Variants in TPO observed in about 807,000 individuals in gnomAD.
TPO encodes the protein thyroid microsomal antigen.
TPO carries 78 observed loss-of-function variants against 96.9 expected under a neutral mutation model. That is an observed-to-expected ratio of 0.81 (90% CI 0.67 to 0.97). TPO has a LOEUF of 0.97. TPO is among the 50% of genes least tolerant of loss of function. The probability of loss-of-function intolerance (pLI) is 0.00; values close to 1 mark genes in which losing one functional copy is unlikely to be tolerated. For missense variants in TPO, 1,252 were observed against 1,274.8 expected (o/e 0.98, Z 0.27); for synonymous variants, 547 against 538.0 (o/e 1.02, Z -0.23).
chr2:1,446,719 C>A (rs1666861715), intron 5 of TPO, among the ~76,000 whole-genome samples: 1 of 152,146 alleles, frequency 6.6e-6, no homozygotes, highest in Admixed American at 6.5e-5. Context: ...AATGTCTTCT[C>A]CCAGCTGAGA....
chr2:1,540,870 TTATTTACAAGC>T, intron 16 of TPO, 147 bp downstream of exon 16: 1 of 1,552,286 alleles, frequency 6.4e-7, no homozygotes, highest in Non-Finnish European at 8.7e-7. Context: ...CCGGGAGGTT[TTATTTACAAGC>T]TAATGACAGT....
chr2:1,542,590 T>TAAA lies in TPO; in HGVS notation c.*117_*119dup. On this transcript the variant is annotated 3_prime_UTR_variant, in exon 17 of 17. Coordinates refer to ENST00000329066, the MANE Select transcript of TPO (RefSeq NM_001206744.2). The stretch of plus-strand genomic sequence containing the variant: ...AGGACGACTGTTTTCCCAACACGGG[T>TAAA]AAATCTAGTACCATGTCGTAGTTAC... 1.9e-6 allele frequency: 3 copies of TAAA among 1,561,336 alleles called. No homozygotes were observed. The highest frequency in any genetic ancestry group is 2.6e-6 in the Non-Finnish European group (3 of 1,151,808).
chr2:1,388,230 T>G (rs1055637796), intron 1 of TPO, among the ~76,000 whole-genome samples: 1 of 152,214 alleles, frequency 6.6e-6, no homozygotes, highest in Non-Finnish European at 1.5e-5. Flanking sequence ...ATTACTCTCT[T>G]CAAACCTGTC....
intron 10 of TPO, among the ~76,000 whole-genome samples, chr2:1,490,752 G>A (rs1054931621): frequency 2.0e-5 from 3 of 152,224 alleles, no homozygotes; most frequent in Non-Finnish European, 2.9e-5. Flanking sequence ...TTCGATCTGA[G>A]GATAAATCAG....
chr2:1,523,538 T>C (rs1675682926), intron 15 of TPO, among the ~76,000 whole-genome samples: 1 of 78,680 alleles, frequency 1.3e-5, no homozygotes, highest in African/African-American at 5.3e-5. Context: ...CCCCCCACTC[T>C]GAGCAACCTC....
intron 5 of TPO, among the ~76,000 whole-genome samples, chr2:1,442,925 A>G (rs969267245): frequency 6.6e-6 from 1 of 152,082 alleles, no homozygotes. Context: ...AAGAGGTGTG[A>G]TTTTTCTTTG....
intron 1 of TPO, among the ~76,000 whole-genome samples, chr2:1,400,350 G>A (rs1460850744): frequency 6.6e-6 from 1 of 151,994 alleles, no homozygotes; most frequent in East Asian, 1.9e-4. Context: ...AAAATTAGCT[G>A]GGCGTTCTGG....
intron 10 of TPO, among the ~76,000 whole-genome samples, chr2:1,490,462 G>A (rs1211203119): frequency 7.2e-6 from 1 of 139,444 alleles, no homozygotes; most frequent in African/African-American, 2.6e-5. Context: ...TGTAAGAGCC[G>A]CCACGAGGGT....
rs1205017179 is a variant in TPO at position 1,531,911 on chromosome 2, A to G, written c.2619-8683A>G. 2.9e-5 allele frequency among the ~76,000 whole-genome samples: 3 copies of G among 101,752 alleles called. 1 individual carries two copies. The highest frequency in any genetic ancestry group is 6.3e-5 in the Non-Finnish European group (3 of 47,870). The allele number at this position is 101,752 out of a possible 152,430, so 66.8% of individuals were successfully genotyped here. A position where few individuals can be genotyped will look rare whatever the true frequency, so the allele number is the denominator to read the frequency against. On this transcript the variant is annotated intron_variant, in intron 15 of 16. Coordinates refer to ENST00000329066, the MANE Select transcript of TPO (RefSeq NM_001206744.2). ...CACCCTACTGTGTGCAACCTCCTCAAATCACCCCCACTGTGTGCAACCTCC... is the reference window on the plus strand; with the variant it reads ...CACCCTACTGTGTGCAACCTCCTCAGATCACCCCCACTGTGTGCAACCTCC...
rs1189348356 is a variant in TPO at position 1,477,454 on chromosome 2, C to G, written c.1188C>G (p.Arg396=). The change falls in exon 8 of 17, where the codon CGC becomes CGG. Residue 396 remains arginine (R), a synonymous_variant. Coordinates refer to ENST00000329066, the MANE Select transcript of TPO (RefSeq NM_001206744.2). Reference sequence around the variant, plus strand: ...CCTGCTTCCTGGCCGGAGACGGCCGCGCCAGCGAGGTCCCCTCCCTGACGG... The same window carrying G: ...CCTGCTTCCTGGCCGGAGACGGCCGGGCCAGCGAGGTCCCCTCCCTGACGG... ...RGPCFLAGDG[R]ASEVPSLTAL... is the part of the protein sequence containing the mutation. The G allele has an allele frequency of 3.5e-5, 54 of 1,524,596 alleles. No individual in the cohort carries two copies. The highest frequency in any genetic ancestry group is 4.4e-5 in the Non-Finnish European group (50 of 1,140,906). The allele number at this position is 1,524,596 out of a possible 1,614,324, so 94.4% of individuals were successfully genotyped here. A position where few individuals can be genotyped will look rare whatever the true frequency, so the allele number is the denominator to read the frequency against.
At chr2:1,525,009 AGCAACCTCGCCAAATCCCCCAACTCTGT>A (rs1676108577) in intron 15 of TPO, among the ~76,000 whole-genome samples, 5 of 74,456 alleles carry the variant, frequency 6.7e-5, no homozygotes, top group African/African-American at 1.7e-4. Flanking sequence ...CCCAACTCTG[AGCAACCTCGCCAAATCCCCCAACTCTGT>A]GCAACCTCCC....
intron 7 of TPO, among the ~76,000 whole-genome samples, chr2:1,461,327 G>A (rs13386909): frequency 0.38 from 57,182 of 152,098 alleles, 10,979 homozygotes; most frequent in South Asian, 0.48. Context: ...ATATTAATGT[G>A]GGTTCAAACG....
At chr2:1,460,365 T>C (rs1668312346) in intron 7 of TPO, among the ~76,000 whole-genome samples, 1 of 152,168 alleles carries the variant, frequency 6.6e-6, no homozygotes, top group African/African-American at 2.4e-5. Context: ...CGTTCCCAGC[T>C]AAGTGGCTCC....
chr2:1,442,076 C>T (rs1666249109), intron 5 of TPO, among the ~76,000 whole-genome samples: 1 of 152,166 alleles, frequency 6.6e-6, no homozygotes, highest in Non-Finnish European at 1.5e-5. Flanking sequence ...CTGCCTGCCG[C>T]CATCCATGTA....
At chr2:1,466,578 T>A (rs886433272) in intron 7 of TPO, among the ~76,000 whole-genome samples, 1 of 152,184 alleles carries the variant, frequency 6.6e-6, no homozygotes, top group African/African-American at 2.4e-5. Context: ...CTTGTTATTG[T>A]TCAGGGTGTC....
intron 15 of TPO, among the ~76,000 whole-genome samples, chr2:1,537,215 C>G: frequency 1.0e-5 from 1 of 100,250 alleles, no homozygotes; most frequent in East Asian, 3.6e-4. Flanking sequence ...CCACTGTGTG[C>G]CACCTCCCCA....
chr2:1,507,951 C>T (rs1573474790), intron 14 of TPO, among the ~76,000 whole-genome samples: 1 of 152,274 alleles, frequency 6.6e-6, no homozygotes, highest in East Asian at 1.9e-4. Context: ...GAAGGCATCC[C>T]TGTTTTGTGC....
intron 6 of TPO, among the ~76,000 whole-genome samples, chr2:1,455,453 C>T (rs1020856024): frequency 2.2e-4 from 34 of 152,182 alleles, no homozygotes; most frequent in African/African-American, 6.0e-4. Context: ...TCATCCACAT[C>T]AGGTAGGGCA....
At position 1,496,146 on chromosome 2, in the gene TPO, G is replaced by T. The variant is rs1366852449; in HGVS notation, c.2164G>T (p.Asp722Tyr). 6.2e-7 allele frequency: 1 copy of T among 1,614,022 alleles called. No individual in the cohort carries two copies. Among genetic ancestry groups the T allele is most frequent in the Non-Finnish European group, 8.5e-7 (1 of 1,180,042 alleles). ...GKFPEDFESC[D>Y]SITGMNLEAW... ...ATTCCCCGAAGACTTTGAGTCTTGT[G>T]ACAGCATCACTGGCATGAACCTGGA... is the stretch of plus-strand genomic sequence containing the variant. The change falls in exon 12 of 17, where the codon GAC (aspartate) becomes TAC (tyrosine). Residue 722 changes from aspartate to tyrosine, a missense_variant. Asp to Tyr is a radical substitution (Grantham distance 160). Coordinates refer to ENST00000329066, the MANE Select transcript of TPO (RefSeq NM_001206744.2).
Sources: gnomAD v4.1 joint callset for allele counts (sites outside exome capture counted in the v4.1 genomes callset) on GRCh38, gnomAD v4.1.1 for gene constraint, MANE v1.5 for transcripts, NCBI Gene and HGNC (gene_info 2026-07-23, HGNC 2026-07-21) for gene names.